The following CNTLN variants were observed in gnomAD, a reference collection of about 807,000 sequenced individuals.
The protein encoded by CNTLN is centlein, centrosomal protein.
A neutral mutation model predicts 180.0 loss-of-function variants in CNTLN; 212 were observed. That is an observed-to-expected ratio of 1.18 (90% CI 1.05 to 1.32). The LOEUF (loss-of-function observed/expected upper bound fraction) is 1.32, where lower values mean the gene tolerates loss of function less well. Among genes scored for constraint, CNTLN ranks in the 40% most tolerant of loss-of-function variants. CNTLN has a pLI of 0.00. For missense variants in CNTLN, 2,095 were observed against 1,610.9 expected (o/e 1.30, Z -5.14); for synonymous variants, 722 against 563.1 (o/e 1.28, Z -3.99).
intron 6 of CNTLN, among the ~76,000 whole-genome samples, chr9:17,274,916 C>G (rs1828212410): frequency 6.6e-6 from 1 of 151,902 alleles, no homozygotes; most frequent in Non-Finnish European, 1.5e-5. Flanking sequence ...ATTACTGAAG[C>G]CAATAAAGTT....
intron 12 of CNTLN, among the ~76,000 whole-genome samples, chr9:17,346,703 T>A (rs779790117): frequency 8.5e-5 from 13 of 152,196 alleles, no homozygotes; most frequent in Non-Finnish European, 2.9e-5. Flanking sequence ...TTGGCATGGA[T>A]TTGTTTGGGT....
chr9:17,170,433 A>G (rs1820348575), intron 2 of CNTLN, among the ~76,000 whole-genome samples: 2 of 152,082 alleles, frequency 1.3e-5, no homozygotes, highest in South Asian at 4.1e-4. Context: ...TATTGAATAA[A>G]AGTGGCAAGA....
Position 17,309,253 on chromosome 9 carries a change from G to T in CNTLN, c.1341+1G>T. The T allele has an allele frequency of 6.5e-7, 1 of 1,544,190 alleles. No individual in the cohort carries two copies. The highest frequency in any genetic ancestry group is 8.7e-7 in the Non-Finnish European group (1 of 1,147,204). Reference sequence around the variant, plus strand: ...AAGTGATCCAGACTACTCAGCACAGGTGAGAGACATTTTCTAAAACTGTTA... The same window carrying T: ...AAGTGATCCAGACTACTCAGCACAGTTGAGAGACATTTTCTAAAACTGTTA... On this transcript the variant is annotated splice_donor_variant, in intron 8 of 25. Transcript: ENST00000380647. LOFTEE classifies it high-confidence loss of function.
At chr9:17,429,688 G>C (rs1229152366) in intron 18 of CNTLN, among the ~76,000 whole-genome samples, 5 of 151,870 alleles carry the variant, frequency 3.3e-5, no homozygotes, top group African/African-American at 1.2e-4. Context: ...TTATCCATGG[G>C]TCATGGTTAG....
At chr9:17,370,609 G>T (rs1844348087) in intron 13 of CNTLN, among the ~76,000 whole-genome samples, 1 of 152,144 alleles carries the variant, frequency 6.6e-6, no homozygotes, top group Admixed American at 6.5e-5. Flanking sequence ...TAAATCATCT[G>T]AAGGTACAAA....
intron 10 of CNTLN, among the ~76,000 whole-genome samples, chr9:17,333,330 C>G (rs1271271658): frequency 6.6e-6 from 1 of 152,086 alleles, no homozygotes; most frequent in Non-Finnish European, 1.5e-5. Context: ...TTTCAATATG[C>G]AAGTTGTTCA....
At chr9:17,155,078 A>G (rs779705825) in intron 2 of CNTLN, among the ~76,000 whole-genome samples, 1 of 152,206 alleles carries the variant, frequency 6.6e-6, no homozygotes, top group Non-Finnish European at 1.5e-5. Context: ...ACTCACTGCA[A>G]AGGTCTGCGG....
intron 18 of CNTLN, among the ~76,000 whole-genome samples, chr9:17,432,250 A>G (rs955883876): frequency 6.6e-6 from 1 of 152,238 alleles, no homozygotes; most frequent in African/African-American, 2.4e-5. Flanking sequence ...TGACAGCTTA[A>G]ACTGTCAGCC....
At chr9:17,279,645 A>C (rs1828537724) in intron 6 of CNTLN, among the ~76,000 whole-genome samples, 1 of 150,736 alleles carries the variant, frequency 6.6e-6, no homozygotes, top group African/African-American at 2.4e-5. Context: ...TTTTTCCTGC[A>C]GAATTATGTA....
intron 5 of CNTLN, among the ~76,000 whole-genome samples, chr9:17,254,776 T>G (rs1826371303): frequency 6.6e-6 from 1 of 151,738 alleles, no homozygotes; most frequent in Non-Finnish European, 1.5e-5. Context: ...TTGGGGTTGC[T>G]TAAGATTTCA....
chr9:17,487,067 G>GCCTCA lies in CNTLN; in HGVS notation c.4119+1_4119+2insCCTCA. On this transcript the variant is annotated splice_donor_variant, in intron 25 of 25. Coordinates refer to ENST00000380647, the MANE Select transcript of CNTLN (RefSeq NM_017738.4). LOFTEE classifies it high-confidence loss of function. Reference sequence around the variant, plus strand: ...CATTCAGAAACTTCTTGAAGGACAGGTATTTCATTTTTCTGTTTCATATAT... The same window carrying GCCTCA: ...CATTCAGAAACTTCTTGAAGGACAGGCCTCATATTTCATTTTTCTGTTTCATATAT... 1 of 1,588,172 alleles carries GCCTCA rather than the reference G, an allele frequency of 6.3e-7. No individual in the cohort carries two copies. Among genetic ancestry groups the GCCTCA allele is most frequent in the Non-Finnish European group, 8.6e-7 (1 of 1,158,370 alleles).
intron 2 of CNTLN, among the ~76,000 whole-genome samples, chr9:17,163,949 G>T (rs951336071): frequency 1.3e-5 from 2 of 151,930 alleles, no homozygotes; most frequent in Admixed American, 1.3e-4. Context: ...AGCCCAGGAA[G>T]TGTAGGTTGC....
chr9:17,312,364 T>TATAATATA (rs369729227), intron 8 of CNTLN, among the ~76,000 whole-genome samples: 1 of 20,188 alleles, frequency 5.0e-5, no homozygotes, highest in Admixed American at 5.3e-4. Flanking sequence ...TATATATATA[T>TATAATATA]TATATATATA....
intron 15 of CNTLN, among the ~76,000 whole-genome samples, chr9:17,395,646 G>A (rs1171326743): frequency 6.6e-6 from 1 of 152,126 alleles, no homozygotes; most frequent in Non-Finnish European, 1.5e-5. Flanking sequence ...TAATTGAATG[G>A]TGGTTAAAAA....
chr9:17,498,352 A>G (rs970065291), intron 25 of CNTLN, among the ~76,000 whole-genome samples: 4 of 152,268 alleles, frequency 2.6e-5, no homozygotes, highest in Middle Eastern at 3.4e-3. Context: ...GGAAGCCACA[A>G]TTTGTAAGTG....
In CNTLN at chr9:17,407,135, T is replaced by A. The variant is rs552066326; in HGVS notation, c.2616-2158T>A. ...GAAATAACTTGTAGATTTGATCAAT[T>A]GCTGTTGGTATTTTGAAGGAGAACC... is the stretch of plus-strand genomic sequence containing the variant. On this transcript the variant is annotated intron_variant, in intron 15 of 25. Coordinates refer to ENST00000380647, the MANE Select transcript of CNTLN (RefSeq NM_017738.4). Among the ~76,000 whole-genome samples the A allele has an allele frequency of 5.3e-5, 8 of 152,314 alleles. No individual in the cohort carries two copies. The East Asian group carries it at 1.5e-3, about 29-fold the overall frequency.
At chr9:17,375,228 A>T (rs1824657785) in intron 13 of CNTLN, among the ~76,000 whole-genome samples, 1 of 152,184 alleles carries the variant, frequency 6.6e-6, no homozygotes, top group South Asian at 2.1e-4. Context: ...AAAACAATTG[A>T]ACTCATGGAG....
intron 5 of CNTLN, among the ~76,000 whole-genome samples, chr9:17,267,234 G>C (rs1428907687): frequency 6.6e-6 from 1 of 152,040 alleles, no homozygotes; most frequent in African/African-American, 2.4e-5. Flanking sequence ...GGCAGGCCTG[G>C]TGGTGACAAA....
chr9:17,368,799 G>A (rs903918727), intron 13 of CNTLN, among the ~76,000 whole-genome samples: 3 of 152,148 alleles, frequency 2.0e-5, no homozygotes, highest in Non-Finnish European at 4.4e-5. Context: ...GACTTGGGGT[G>A]CCCACTAATG....
Sources: allele counts gnomAD v4.1 joint callset (sites outside exome capture counted in the v4.1 genomes callset), GRCh38; gene constraint gnomAD v4.1.1; transcripts MANE v1.5; gene names NCBI Gene and HGNC (gene_info 2026-07-23, HGNC 2026-07-21).